The following LPIN2 variants were observed in gnomAD, a reference collection of about 807,000 sequenced individuals.
LPIN2 encodes phosphatidate phosphatase LPIN2.
In LPIN2, 55 loss-of-function variants were observed where a neutral mutation model predicts 111.4. That is an observed-to-expected ratio of 0.49 (90% CI 0.40 to 0.62). The LOEUF (loss-of-function observed/expected upper bound fraction) is 0.62, where lower values mean the gene tolerates loss of function less well. Ranked by LOEUF, LPIN2 falls within the 20% of genes least tolerant of loss-of-function variation. The pLI, the probability that LPIN2 is intolerant of heterozygous loss-of-function variation, is 0.00. For missense variants in LPIN2, 992 were observed against 1,112.1 expected, an observed-to-expected ratio of 0.89 and a Z score of 1.54; for synonymous variants, 425 against 414.0, an observed-to-expected ratio of 1.03 and a Z score of -0.32.
At position 2,931,296 on chromosome 18, in the gene LPIN2, G is replaced by C. The variant is rs1317622172; in HGVS notation, c.1416C>G (p.Ser472=). 4.3e-6 allele frequency: 7 copies of C among 1,614,086 alleles called. No homozygotes were observed. The highest frequency in any genetic ancestry group is 5.9e-6 in the Non-Finnish European group (7 of 1,180,044). Residue 472 remains serine (S), a synonymous_variant, in exon 9 of 20, where the codon TCC becomes TCG. Transcript: ENST00000677752. ...SAMDLPDVTL[S]LCGGLSENGE... Reference sequence around the variant, plus strand: ...CATTTTCACTGAGGCCCCCGCAAAGGGAGAGGGTAACGTCAGGCAAGTCCA... The same window carrying C: ...CATTTTCACTGAGGCCCCCGCAAAGCGAGAGGGTAACGTCAGGCAAGTCCA...
intron 1 of LPIN2, among the ~76,000 whole-genome samples, chr18:3,002,784 C>T (rs2078453365): frequency 6.6e-6 from 1 of 152,240 alleles, no homozygotes; most frequent in South Asian, 2.1e-4. Flanking sequence ...CCAGAGCTAA[C>T]TCCAAGACAG....
chr18:2,925,406 G>T lies in LPIN2; in HGVS notation c.1794-38C>A. On this transcript the variant is annotated intron_variant, in intron 13 of 19. Transcript: ENST00000677752. The surrounding 1 kb of genome is among the most constrained non-coding windows in gnomAD (Gnocchi z 4.1). The stretch of plus-strand genomic sequence containing the variant: ...AGCCCAGTTACGGAAGAGGCAGCAG[G>T]GCATTTTATTGATGAGAGCTTTTCA... 1.2e-6 allele frequency: 2 copies of T among 1,613,524 alleles called. No homozygotes were observed. The highest frequency in any genetic ancestry group is 1.7e-6 in the Non-Finnish European group (2 of 1,179,764).
chr18:2,960,721 A>G lies in LPIN2; in HGVS notation c.120T>C (p.Asp40=), dbSNP rs143261167. 4.1e-4 allele frequency: 655 copies of G among 1,614,086 alleles called. 6 individuals carry two copies. The African/African-American group carries it at 7.6e-3, about 19-fold the overall frequency. ...GAAAAGGTGAACACTGATAGCTGCCATCCTGCTGCTGTACCACGATGACAT... is the reference window on the plus strand; with the variant it reads ...GAAAAGGTGAACACTGATAGCTGCCGTCCTGCTGCTGTACCACGATGACAT... The part of the protein sequence containing the change: ...CIDVIVVQQQ[D]GSYQCSPFHV... The change falls in exon 2 of 20, where the codon GAT becomes GAC. Residue 40 remains aspartate (D), a synonymous_variant. Transcript: ENST00000677752.
chr18:2,984,614 A>C (rs866364811), intron 1 of LPIN2, among the ~76,000 whole-genome samples: 1 of 152,124 alleles, frequency 6.6e-6, no homozygotes, highest in Non-Finnish European at 1.5e-5. Context: ...GGGCAGAGGA[A>C]ATAAAATGTA....
intron 2 of LPIN2, among the ~76,000 whole-genome samples, chr18:2,955,895 AC>A: frequency 6.6e-6 from 1 of 152,318 alleles, no homozygotes; most frequent in South Asian, 2.1e-4. Context: ...AGCCTGGGCA[AC>A]AAAAGCGAAA....
chr18:2,936,922 T>C lies in LPIN2; in HGVS notation c.1168+770A>G, dbSNP rs564823554. On this transcript the variant is annotated intron_variant, in intron 7 of 19. Coordinates refer to ENST00000677752, the MANE Select transcript of LPIN2 (RefSeq NM_001375808.2). ...GAAATAATCAGCAAAAGAAAGCACA[T>C]ACTCATAATCATAATTAGTATGCAT... Among the ~76,000 whole-genome samples the C allele has an allele frequency of 2.6e-5, 4 of 152,264 alleles. No individual in the cohort carries two copies. In the East Asian group the frequency reaches 7.7e-4, roughly 29 times the overall value.
chr18:2,999,174 C>CT (rs746240715), intron 1 of LPIN2, among the ~76,000 whole-genome samples: 4 of 152,246 alleles, frequency 2.6e-5, no homozygotes, highest in African/African-American at 4.8e-5. Flanking sequence ...AAAAGAAACG[C>CT]TGAACTCCTA....
intron 1 of LPIN2, chr18:2,967,042 G>T (rs552148071): frequency 6.6e-6 from 1 of 152,054 alleles, no homozygotes; most frequent in Non-Finnish European, 1.5e-5. Context: ...CCATGATTAC[G>T]GTTTGCATTT....
At chr18:3,010,768 C>T (rs771775118) in intron 1 of LPIN2, among the ~76,000 whole-genome samples, 11 of 152,176 alleles carry the variant, frequency 7.2e-5, no homozygotes, top group Non-Finnish European at 1.0e-4. Flanking sequence ...TCCAGCTAGG[C>T]GTTACTGTGC....
chr18:2,970,401 C>T (rs563110288), intron 1 of LPIN2, among the ~76,000 whole-genome samples: 23 of 152,362 alleles, frequency 1.5e-4, no homozygotes, highest in African/African-American at 5.3e-4. Flanking sequence ...TATGGAGAGC[C>T]AAGGCCACCC....
At chr18:2,991,433 T>C (rs1567857940) in intron 1 of LPIN2, among the ~76,000 whole-genome samples, 1 of 152,092 alleles carries the variant, frequency 6.6e-6, no homozygotes, top group Non-Finnish European at 1.5e-5. Flanking sequence ...AAGCTAAATA[T>C]GGAATTACCA....
At chr18:2,951,447 G>T in intron 3 of LPIN2, 91 bp from the exon 4 acceptor site, 1 of 971,282 alleles carries the variant, frequency 1.0e-6, no homozygotes, top group Non-Finnish European at 1.4e-6. Flanking sequence ...TTTTCACCAT[G>T]GTAAAAAAAA....
intron 1 of LPIN2, among the ~76,000 whole-genome samples, chr18:2,996,029 C>T (rs1159708580): frequency 4.6e-5 from 7 of 152,064 alleles, no homozygotes; most frequent in Non-Finnish European, 7.4e-5. Flanking sequence ...GCTCTATGGA[C>T]AAACTTAAGA....
chr18:2,963,907 A>C (rs2077749044), intron 1 of LPIN2, among the ~76,000 whole-genome samples: 1 of 151,912 alleles, frequency 6.6e-6, no homozygotes, highest in African/African-American at 2.4e-5. Flanking sequence ...TCTTTTTTTG[A>C]AAGCTCGTAA....
intron 1 of LPIN2, among the ~76,000 whole-genome samples, chr18:2,987,092 G>A (rs1011002325): frequency 2.6e-5 from 4 of 152,104 alleles, no homozygotes; most frequent in Non-Finnish European, 5.9e-5. Flanking sequence ...TTAGGTATAC[G>A]ATTTTCTGTT....
In LPIN2 at chr18:2,951,107, T is replaced by C; in HGVS notation, c.538A>G (p.Thr180Ala). 1 of 1,614,206 alleles carries C rather than the reference T, an allele frequency of 6.2e-7. No homozygotes were observed. The highest frequency in any genetic ancestry group is 8.5e-7 in the Non-Finnish European group (1 of 1,180,034). Residue 180 changes from threonine to alanine, a missense_variant, in exon 4 of 20, where the codon ACA (threonine) becomes GCA (alanine). Thr to Ala is a moderately conservative substitution (Grantham distance 58). Coordinates refer to ENST00000677752, the MANE Select transcript of LPIN2 (RefSeq NM_001375808.2). ...TCGGAGCTCACGCCTACATCACATGTGTCTTCTGCAGCAGCAGATGCGGCC... is the reference window on the plus strand; with the variant it reads ...TCGGAGCTCACGCCTACATCACATGCGTCTTCTGCAGCAGCAGATGCGGCC... ...EQAASAAAED[T>A]CDVGVSSDDD...
Position 2,967,654 on chromosome 18 carries a change from C to T in LPIN2, c.-9-6805G>A, listed in dbSNP as rs1345101105. On this transcript the variant is annotated intron_variant, in intron 1 of 19. Transcript: ENST00000677752. ...GACAGAAGAAAGGAAGAGTATACAA[C>T]ACAGCGCAGTCTAGGGTAAGTTGAA... 2.0e-5 allele frequency: 3 copies of T among 152,220 alleles called. No homozygotes were observed. In the East Asian group the frequency reaches 5.8e-4, roughly 29 times the overall value. 9.4% of individuals were successfully genotyped at this position (152,220 alleles called of 1,614,324 possible).
At chr18:2,978,694 G>T (rs1486094246) in intron 1 of LPIN2, among the ~76,000 whole-genome samples, 1 of 152,214 alleles carries the variant, frequency 6.6e-6, no homozygotes, top group Non-Finnish European at 1.5e-5. Context: ...GTTATTCTTG[G>T]CCTCCACTAC....
intron 8 of LPIN2, 112 bp downstream of exon 8, chr18:2,934,239 T>C: frequency 1.3e-6 from 1 of 781,338 alleles, no homozygotes; most frequent in South Asian, 1.6e-5. Flanking sequence ...CATCATCAGA[T>C]TTAGCTAAAG....
Sources: allele counts gnomAD v4.1 joint callset (sites outside exome capture counted in the v4.1 genomes callset), GRCh38; gene constraint gnomAD v4.1.1; non-coding constraint Gnocchi (gnomAD v3.1); transcripts MANE v1.5; gene names NCBI Gene and HGNC (gene_info 2026-07-23, HGNC 2026-07-21).